The following OXNAD1 variants were observed in gnomAD, a reference collection of about 807,000 sequenced individuals.
OXNAD1 encodes oxidoreductase NAD binding domain containing 1.
Under a neutral mutation model 32.9 loss-of-function variants are expected in OXNAD1, and 34 were observed. That is an observed-to-expected ratio of 1.03 (90% CI 0.79 to 1.38). The LOEUF is 1.38. Among genes scored for constraint, OXNAD1 ranks in the 40% most tolerant of loss-of-function variants. OXNAD1 has a pLI of 0.00. For missense variants in OXNAD1, 407 were observed against 379.4 expected (o/e 1.07, Z -0.60); for synonymous variants, 134 against 135.2 (o/e 0.99, Z 0.06).
At chr3:16,307,783 CA>C (rs5846918), downstream of OXNAD1, among the ~76,000 whole-genome samples, 9 of 17,854 alleles carry the variant, frequency 5.0e-4, no homozygotes, top group African/African-American at 5.4e-3. Context: ...GTTGCAAAGA[CA>C]AGACAGGGTT....
At chr3:16,307,042 A>G (rs2067609589), downstream of OXNAD1, among the ~76,000 whole-genome samples, 2 of 152,202 alleles carry the variant, frequency 1.3e-5, no homozygotes, top group Non-Finnish European at 1.5e-5. Flanking sequence ...TGATTGTTCC[A>G]TATAGAACTT....
intron 4 of OXNAD1, among the ~76,000 whole-genome samples, chr3:16,273,384 GT>G (rs34572763): frequency 0.031 from 3,737 of 120,936 alleles, 43 homozygotes; most frequent in Middle Eastern, 0.082. Context: ...GTATTTTCTT[GT>G]TTTTTTTTTT....
chr3:16,319,322 C>G (rs1163575102), intron 9 of OXNAD1, among the ~76,000 whole-genome samples: 1 of 152,142 alleles, frequency 6.6e-6, no homozygotes, highest in Non-Finnish European at 1.5e-5. Flanking sequence ...GGCTAAGAGG[C>G]CTTAAGTGCT....
chr3:16,294,392 A>G (rs1163153540), intron 5 of OXNAD1, among the ~76,000 whole-genome samples: 3 of 151,890 alleles, frequency 2.0e-5, no homozygotes, highest in Non-Finnish European at 4.4e-5. Context: ...TTTTTTTAGT[A>G]GAGACGGGGT....
chr3:16,348,359 A>G lies in OXNAD1; in HGVS notation c.*31-817A>G, dbSNP rs2071874988. On this transcript the variant is annotated intron_variant, in intron 9 of 9. Coordinates refer to the OXNAD1 transcript ENST00000606098. This position sits in a 1 kb window ranked among gnomAD's most constrained non-coding sequence, Gnocchi z 6.3. ...TCCACATTATCCAATATGTGTTCTA[A>G]TTATAAAAAAAAATTAATAGATGTG... 1.3e-5 allele frequency among the ~76,000 whole-genome samples: 2 copies of G among 148,284 alleles called. No homozygotes were observed. Among genetic ancestry groups the G allele is most frequent in the Admixed American group, 1.4e-4 (2 of 14,776 alleles).
chr3:16,307,811 C>G (rs1426753624), downstream of OXNAD1, among the ~76,000 whole-genome samples: 2 of 152,074 alleles, frequency 1.3e-5, no homozygotes, highest in East Asian at 3.9e-4. Flanking sequence ...TATCCTTCAT[C>G]CAGCTTTCCC....
At chr3:16,311,165 T>A (rs1454969415) in intron 9 of OXNAD1, among the ~76,000 whole-genome samples, 1 of 148,304 alleles carries the variant, frequency 6.7e-6, no homozygotes, top group Non-Finnish European at 1.5e-5. Flanking sequence ...AAGATGTAGT[T>A]CTTTGGGTCT....
At chr3:16,292,463 G>A (rs909558464) in intron 5 of OXNAD1, among the ~76,000 whole-genome samples, 1 of 152,094 alleles carries the variant, frequency 6.6e-6, no homozygotes, top group African/African-American at 2.4e-5. Context: ...AAAGTGCTGG[G>A]ATTTGTATAG....
Position 16,346,032 on chromosome 3 carries a change from C to T in OXNAD1, c.*31-3144C>T, listed in dbSNP as rs1465189374. On this transcript the variant is annotated intron_variant, in intron 9 of 9. Transcript: ENST00000606098. This position sits in a 1 kb window ranked among gnomAD's most constrained non-coding sequence, Gnocchi z 4.4. ...GCAAGAATCAAAATTCACTTTGCCCCATGATCTTCACCAGAACGGCATACT... is the reference window on the plus strand; with the variant it reads ...GCAAGAATCAAAATTCACTTTGCCCTATGATCTTCACCAGAACGGCATACT... The T allele has an allele frequency of 6.6e-6, 1 of 152,150 alleles. No homozygotes were observed. Among genetic ancestry groups the T allele is most frequent in the Admixed American group, 6.5e-5 (1 of 15,270 alleles). 9.4% of individuals were successfully genotyped at this position (152,150 alleles called of 1,614,324 possible).
chr3:16,281,129 T>G (rs1410600741), intron 4 of OXNAD1, among the ~76,000 whole-genome samples: 1 of 152,244 alleles, frequency 6.6e-6, no homozygotes, highest in Non-Finnish European at 1.5e-5. Context: ...AATAAATATG[T>G]GGTCTTCAAA....
rs548926207 is a variant in OXNAD1 at position 16,335,236 on chromosome 3, T to C, written c.*31-1876T>C. On this transcript the variant is annotated intron_variant, in intron 9 of 9. Transcript: ENST00000435829. The surrounding 1 kb of genome is among the most constrained non-coding windows in gnomAD (Gnocchi z 4.7). ...ATAAACACTTGGAGGTGCTGACAGA[T>C]GCAGGGTAGGTGAAAACTCCTGGAG... Among the ~76,000 whole-genome samples the C allele has an allele frequency of 1.5e-4, 23 of 152,142 alleles. No homozygotes were observed. Among genetic ancestry groups the C allele is most frequent in the Non-Finnish European group, 2.8e-4 (19 of 68,020 alleles).
At position 16,321,780 on chromosome 3, in the gene OXNAD1, G is replaced by A. The variant is rs1490048004; in HGVS notation, c.*31-15332G>A. ...TTTTTACTGACTGAAAAAACAGTGG[G>A]TCCCATCCTCTCTGAATTTTCCCTG... On this transcript the variant is annotated intron_variant, in intron 9 of 9. Coordinates refer to the OXNAD1 transcript ENST00000435829. The surrounding 1 kb of genome is among the most constrained non-coding windows in gnomAD (Gnocchi z 4.8). Among the ~76,000 whole-genome samples the A allele has an allele frequency of 6.6e-6, 1 of 152,164 alleles. No individual in the cohort carries two copies. The highest frequency in any genetic ancestry group is 1.5e-5 in the Non-Finnish European group (1 of 68,022).
At chr3:16,274,740 T>C (rs2065200881) in intron 4 of OXNAD1, among the ~76,000 whole-genome samples, 1 of 152,242 alleles carries the variant, frequency 6.6e-6, no homozygotes, top group Non-Finnish European at 1.5e-5. Context: ...GACTGATTGC[T>C]GAACCTGACG....
chr3:16,327,809 GGA>G lies in OXNAD1; in HGVS notation c.*31-9297_*31-9296del, dbSNP rs79274684. ...AAACTTCAGCCCCCTGCTAGCACAG[GGA>G]GAGAGCCCTGATGTGAGGCCCCTGC... On this transcript the variant is annotated intron_variant, in intron 9 of 9. Coordinates refer to the OXNAD1 transcript ENST00000435829. This position sits in a 1 kb window ranked among gnomAD's most constrained non-coding sequence, Gnocchi z 4.2. Among the ~76,000 whole-genome samples the G allele has an allele frequency of 0.019, 2,909 of 152,054 alleles. 84 individuals are homozygous for G. Among genetic ancestry groups the G allele is most frequent in the East Asian group, 0.11 (578 of 5,170 alleles).
intron 9 of OXNAD1, chr3:16,315,610 G>A (rs2068302663): frequency 6.6e-6 from 1 of 152,242 alleles, no homozygotes; most frequent in Non-Finnish European, 1.5e-5. Context: ...GGAGGTGGCT[G>A]TACCCCTTAC....
chr3:16,324,713 T>TCATC (rs1553718195), intron 9 of OXNAD1, among the ~76,000 whole-genome samples: 18,955 of 144,392 alleles, frequency 0.13, 1,495 homozygotes, highest in African/African-American at 0.17. Flanking sequence ...CACATTTTCT[T>TCATC]CATCCATCTG....
rs1330250175 is a variant in OXNAD1 at position 16,320,167 on chromosome 3, T to G, written c.*30+16575T>G. Among the ~76,000 whole-genome samples the G allele has an allele frequency of 6.6e-6, 1 of 152,242 alleles. No homozygotes were observed. Among genetic ancestry groups the G allele is most frequent in the African/African-American group, 2.4e-5 (1 of 41,462 alleles). ...TAAAAACTGCCCATGATGTGTCCAC[T>G]TCAAGTAGTTTAGCTGGAAGGAAGT... On this transcript the variant is annotated intron_variant, in intron 9 of 9. Coordinates refer to the OXNAD1 transcript ENST00000435829. The surrounding 1 kb of genome is among the most constrained non-coding windows in gnomAD (Gnocchi z 4.5).
intron 4 of OXNAD1, chr3:16,276,494 T>C (rs2065333640): frequency 1.7e-5 from 3 of 174,184 alleles, no homozygotes. Context: ...TGGTATTTAC[T>C]AGAAACCCAT....
Position 16,289,519 on chromosome 3 carries a change from AG to A in OXNAD1, c.290+3072del, listed in dbSNP as rs1433221646. Among the ~76,000 whole-genome samples the A allele has an allele frequency of 2.0e-5, 3 of 152,360 alleles. No homozygotes were observed. The highest frequency in any genetic ancestry group is 4.4e-5 in the Non-Finnish European group (3 of 68,036). ...TGCTGAGAGAAAGAGGACACCAAGA[AG>A]AAACACTGGAGGAGCAAGATTAGAG... On this transcript the variant is annotated intron_variant, in intron 5 of 8. Coordinates refer to ENST00000285083, the MANE Select transcript of OXNAD1 (RefSeq NM_138381.5). This position sits in a 1 kb window ranked among gnomAD's most constrained non-coding sequence, Gnocchi z 4.9.
Sources: gnomAD v4.1 joint callset for allele counts (sites outside exome capture counted in the v4.1 genomes callset) on GRCh38, gnomAD v4.1.1 for gene constraint, Gnocchi (gnomAD v3.1) non-coding constraint, MANE v1.5 for transcripts, NCBI Gene and HGNC (gene_info 2026-07-23, HGNC 2026-07-21) for gene names.